The following LEPR variants were observed in gnomAD, a reference collection of about 807,000 sequenced individuals.
The protein encoded by LEPR is OB receptor.
LEPR carries 56 observed loss-of-function variants against 114.7 expected under a neutral mutation model. That is an observed-to-expected ratio of 0.49 (90% CI 0.39 to 0.61). The LOEUF is 0.61. Ranked by LOEUF, LEPR falls within the 20% of genes least tolerant of loss-of-function variation. The pLI is 0.00. For missense variants in LEPR, 1,202 were observed against 1,352.9 expected, an observed-to-expected ratio of 0.89 and a Z score of 1.75; for synonymous variants, 443 against 461.4, an observed-to-expected ratio of 0.96 and a Z score of 0.51.
chr1:65,430,102 G>A, intron 2 of LEPR: 1 of 1,433,256 alleles, frequency 7.0e-7, no homozygotes, highest in Non-Finnish European at 9.4e-7. Context: ...TACTTCAGAG[G>A]CCTGTGTCTG....
chr1:65,608,823 G>A lies in LEPR; in HGVS notation c.1674G>A (p.Trp558Ter). Residue 558 changes from tryptophan (W) to a stop codon, truncating the protein, a stop_gained, in exon 12 of 20, where the codon TGG (tryptophan) becomes TGA (stop). Coordinates refer to ENST00000349533, the MANE Select transcript of LEPR (RefSeq NM_002303.6). LOFTEE classifies it high-confidence loss of function. ...ACATTGGATTATTGAAAATATCTTG[G>A]GAAAAGCCAGTCTTTCCAGAGAATA... ...TINIGLLKIS[W>*]EKPVFPENNL... is the part of the protein sequence containing the mutation. 1 of 1,613,690 alleles carries A rather than the reference G, an allele frequency of 6.2e-7. No individual in the cohort carries two copies. The highest frequency in any genetic ancestry group is 8.5e-7 in the Non-Finnish European group (1 of 1,179,826).
At chr1:65,546,735 A>G (rs1401902945) in intron 2 of LEPR, among the ~76,000 whole-genome samples, 1 of 152,198 alleles carries the variant, frequency 6.6e-6, no homozygotes, top group Non-Finnish European at 1.5e-5. Flanking sequence ...TTCTAGATAT[A>G]CAATCATGTC....
intron 2 of LEPR, chr1:65,435,262 A>G (rs1646542742): frequency 1.0e-6 from 1 of 984,870 alleles, no homozygotes; most frequent in Non-Finnish European, 1.2e-6. Flanking sequence ...GTATCTCCTC[A>G]ATGAATACTG....
chr1:65,572,983 A>G (rs6657632), intron 5 of LEPR, among the ~76,000 whole-genome samples: 47,041 of 151,984 alleles, frequency 0.31, 8,151 homozygotes, highest in East Asian at 0.83. Flanking sequence ...GGGCATGAAC[A>G]TGAACCATGC....
intron 1 of LEPR, chr1:65,421,276 T>G: frequency 5.4e-6 from 8 of 1,478,138 alleles, no homozygotes; most frequent in South Asian, 2.7e-5. Context: ...GAGAGTAGAT[T>G]ACGTGTAATT....
At chr1:65,548,982 G>C (rs1300678791) in intron 2 of LEPR, among the ~76,000 whole-genome samples, 1 of 152,100 alleles carries the variant, frequency 6.6e-6, no homozygotes, top group Non-Finnish European at 1.5e-5. Flanking sequence ...CTTCCTTCAG[G>C]AGCTCTTTCA....
Position 65,596,504 on chromosome 1 carries a change from AAGAT to A in LEPR, c.761_764del (p.Lys254IlefsTer17). ...GGAAATCACAGATGATGGTAATTTA[AAGAT>A]TTCTTGGTCCAGCCCACCATTGGTA... On this transcript the variant is annotated frameshift_variant, in exon 7 of 20. Coordinates refer to ENST00000349533, the MANE Select transcript of LEPR (RefSeq NM_002303.6). LOFTEE classifies it high-confidence loss of function. 6.2e-7 allele frequency: 1 copy of A among 1,612,986 alleles called. No homozygotes were observed. The highest frequency in any genetic ancestry group is 8.5e-7 in the Non-Finnish European group (1 of 1,179,294).
chr1:65,437,669 A>G (rs1160350828), intron 2 of LEPR, among the ~76,000 whole-genome samples: 1 of 152,022 alleles, frequency 6.6e-6, no homozygotes, highest in African/African-American at 2.4e-5. Flanking sequence ...ATTTCAGTGT[A>G]AGTAGAAAAA....
chr1:65,521,436 TGACATCTAGC>T (rs557581838), intron 2 of LEPR, among the ~76,000 whole-genome samples: 40 of 152,322 alleles, frequency 2.6e-4, no homozygotes, highest in African/African-American at 9.1e-4. Context: ...TGGACTTTAA[TGACATCTAGC>T]GACTCCTGGA....
At chr1:65,630,006 A>G (rs1321616645) in intron 19 of LEPR, among the ~76,000 whole-genome samples, 1 of 152,122 alleles carries the variant, frequency 6.6e-6, no homozygotes, top group Non-Finnish European at 1.5e-5. Context: ...CCATCTCTCC[A>G]TGCCTGAACT....
Position 65,598,773 on chromosome 1 carries a change from C to A in LEPR, c.963C>A (p.Asp321Glu). 1.2e-6 allele frequency: 2 copies of A among 1,613,404 alleles called. No individual in the cohort carries two copies. Among genetic ancestry groups the A allele is most frequent in the South Asian group, 2.2e-5 (2 of 91,060 alleles). Residue 321 changes from aspartate to glutamate, a missense_variant, in exon 8 of 20, where the codon GAC becomes GAA. Asp to Glu is a conservative substitution (Grantham distance 45). Transcript: ENST00000349533. ...TGGATGGCCCAGGAATCTGGAGTGA[C>A]TGGAGTACTCCTCGTGTCTTTACCA... ...KRLDGPGIWS[D>E]WSTPRVFTTQ...
intron 2 of LEPR, among the ~76,000 whole-genome samples, chr1:65,552,560 G>T (rs1652474388): frequency 1.3e-5 from 2 of 152,180 alleles, no homozygotes; most frequent in Middle Eastern, 3.4e-3. Flanking sequence ...CCATTTGCTT[G>T]ATAAATATTC....
chr1:65,483,804 C>T (rs1321149455), intron 2 of LEPR, among the ~76,000 whole-genome samples: 1 of 152,134 alleles, frequency 6.6e-6, no homozygotes. Flanking sequence ...GAAAGGTCAT[C>T]TTTTTAAGAT....
intron 14 of LEPR, among the ~76,000 whole-genome samples, chr1:65,612,706 A>G (rs1328645683): frequency 6.6e-6 from 1 of 150,436 alleles, no homozygotes; most frequent in Non-Finnish European, 1.5e-5. Flanking sequence ...ACTTGACACA[A>G]TTGAGAAGTA....
chr1:65,549,600 C>T (rs377322142), intron 2 of LEPR, among the ~76,000 whole-genome samples: 4 of 152,136 alleles, frequency 2.6e-5, no homozygotes, highest in African/African-American at 4.8e-5. Context: ...TCCAGTTGAT[C>T]GCATTGGCTC....
chr1:65,633,594 A>G lies in LEPR; in HGVS notation c.2674-2597A>G. 1 of 990,858 alleles carries G rather than the reference A, an allele frequency of 1.0e-6. No individual in the cohort carries two copies. The highest frequency in any genetic ancestry group is 1.2e-6 in the Non-Finnish European group (1 of 832,400). The allele number at this position is 990,858 out of a possible 1,614,324, so 61.4% of individuals were successfully genotyped here. A position where few individuals can be genotyped will look rare whatever the true frequency, so the allele number is the denominator to read the frequency against. On this transcript the variant is annotated intron_variant, in intron 19 of 19. Transcript: ENST00000349533. The surrounding 1 kb of genome is among the most constrained non-coding windows in gnomAD (Gnocchi z 4.1). ...CAACATCTGACAAATAGCTTTAAAA[A>G]TACAATGATTATAAGTATGGAATCA...
chr1:65,488,141 C>CTCCT (rs1263169006), intron 2 of LEPR, among the ~76,000 whole-genome samples: 1,839 of 96,846 alleles, frequency 0.019, 79 homozygotes, highest in African/African-American at 0.03. Context: ...CTCCCTCCCT[C>CTCCT]TCCTTCCTTC....
chr1:65,557,481 G>A (rs548963719), intron 2 of LEPR, among the ~76,000 whole-genome samples: 2 of 152,206 alleles, frequency 1.3e-5, no homozygotes, highest in African/African-American at 4.8e-5. Context: ...GTGCAGTGGT[G>A]TGATCTCAGC....
In LEPR at chr1:65,633,043, T is replaced by G; in HGVS notation, c.2674-3148T>G. On this transcript the variant is annotated intron_variant, in intron 19 of 19. Transcript: ENST00000349533. The surrounding 1 kb of genome is among the most constrained non-coding windows in gnomAD (Gnocchi z 4.1). ...CATTATTGTAACCTAACACAAAAAT[T>G]TATAGTCCAGAACCCATGCTTGACA... is the stretch of plus-strand genomic sequence containing the variant. 1 of 890,552 alleles carries G rather than the reference T, an allele frequency of 1.1e-6. No individual in the cohort carries two copies. Among genetic ancestry groups the G allele is most frequent in the Non-Finnish European group, 1.7e-6 (1 of 578,788 alleles). 55.2% of individuals were successfully genotyped at this position (890,552 alleles called of 1,614,324 possible). A position where few individuals can be genotyped will look rare whatever the true frequency, so the allele number is the denominator to read the frequency against.
Sources: allele counts gnomAD v4.1 joint callset (sites outside exome capture counted in the v4.1 genomes callset), GRCh38; gene constraint gnomAD v4.1.1; non-coding constraint Gnocchi (gnomAD v3.1); transcripts MANE v1.5; gene names NCBI Gene and HGNC (gene_info 2026-07-23, HGNC 2026-07-21).